Variants in RBFOX1 observed in about 807,000 individuals in gnomAD.
The protein encoded by RBFOX1 is RNA binding protein fox-1 homolog 1.
RBFOX1 carries 8 observed loss-of-function variants against 57.7 expected under a neutral mutation model. The ratio of observed to expected loss-of-function variants is 0.14; its 90% CI spans 0.08 to 0.25. The LOEUF is 0.25. Ranked by LOEUF, RBFOX1 falls within the 10% of genes least tolerant of loss-of-function variation. The pLI is 1.00. For synonymous variants in RBFOX1, 326 were observed against 222.4 expected (o/e 1.47, Z -4.15); for missense variants, 611 against 548.5 (o/e 1.11, Z -1.14).
At chr16:5,972,348 C>G (rs2059978767) in intron 4 of RBFOX1, among the ~76,000 whole-genome samples, 1 of 152,180 alleles carries the variant, frequency 6.6e-6, no homozygotes, top group Admixed American at 6.5e-5. Flanking sequence ...AGCTTTACAG[C>G]TAGACAGTGT....
intron 3 of RBFOX1, among the ~76,000 whole-genome samples, chr16:5,771,089 T>C (rs1567519521): frequency 6.6e-6 from 1 of 152,284 alleles, no homozygotes; most frequent in East Asian, 1.9e-4. Context: ...ATAAACTGCA[T>C]TTTAAACTGT....
chr16:7,045,903 C>A (rs924283730), intron 3 of RBFOX1, among the ~76,000 whole-genome samples: 1 of 152,142 alleles, frequency 6.6e-6, no homozygotes, highest in South Asian at 2.1e-4. Flanking sequence ...GATGATCTGC[C>A]CACCTCGGCC....
rs139751559 is a variant in RBFOX1, at chr16:6,268,081, C to T, written c.-126-48914C>T. 4.0e-3 allele frequency among the ~76,000 whole-genome samples: 611 copies of T among 152,274 alleles called. 5 individuals carry two copies. Among genetic ancestry groups the T allele is most frequent in the Non-Finnish European group, 6.5e-3 (440 of 68,012 alleles). ...TGGGCTGAATGTATTAATGGCCTTG[C>T]ACTGGGTAAACACAAACCCTCAGCT... On this transcript the variant is annotated intron_variant, in intron 1 of 15. Transcript: ENST00000550418.
intron 2 of RBFOX1, among the ~76,000 whole-genome samples, chr16:5,497,338 C>G (rs1051465515): frequency 1.3e-5 from 2 of 151,174 alleles, no homozygotes; most frequent in Non-Finnish European, 3.0e-5. Context: ...AATCGCTCTA[C>G]TCTTGAACTC....
At chr16:7,692,556 T>C (rs1375307604) in intron 14 of RBFOX1, among the ~76,000 whole-genome samples, 1 of 152,164 alleles carries the variant, frequency 6.6e-6, no homozygotes, top group Non-Finnish European at 1.5e-5. Flanking sequence ...TTTACGAACC[T>C]AGCCAACCTC....
At chr16:6,002,837 G>A (rs574356315) in intron 4 of RBFOX1, among the ~76,000 whole-genome samples, 1 of 152,318 alleles carries the variant, frequency 6.6e-6, no homozygotes, top group Admixed American at 6.5e-5. Flanking sequence ...CGTGGTTTGT[G>A]GACTCCCATA....
intron 4 of RBFOX1, among the ~76,000 whole-genome samples, chr16:7,113,451 T>C (rs746436440): frequency 1.3e-5 from 2 of 152,196 alleles, no homozygotes; most frequent in Non-Finnish European, 2.9e-5. Flanking sequence ...GTTGACAATA[T>C]CCTCCCACTT....
At chr16:6,638,487 A>G (rs1286198085) in intron 2 of RBFOX1, among the ~76,000 whole-genome samples, 1 of 152,188 alleles carries the variant, frequency 6.6e-6, no homozygotes, top group Non-Finnish European at 1.5e-5. Context: ...CATTTATTAT[A>G]ATAAAATATG....
At chr16:6,955,760 G>T (rs60216550) in intron 3 of RBFOX1, among the ~76,000 whole-genome samples, 35,299 of 151,574 alleles carry the variant, frequency 0.23, 4,314 homozygotes, top group African/African-American at 0.27. Context: ...CTGGAGTGCA[G>T]TGCCGCTATC....
intron 3 of RBFOX1, among the ~76,000 whole-genome samples, chr16:6,673,046 A>C (rs560013448): frequency 6.6e-6 from 1 of 152,330 alleles, no homozygotes; most frequent in South Asian, 2.1e-4. Flanking sequence ...AGCTCCCTGA[A>C]GAAAAACCAC....
At chr16:5,339,713 A>G (rs1444437365) in intron 1 of RBFOX1, among the ~76,000 whole-genome samples, 1 of 151,986 alleles carries the variant, frequency 6.6e-6, no homozygotes, top group Non-Finnish European at 1.5e-5. Context: ...TCCTGAACTC[A>G]GGTGATCCAC....
At chr16:7,436,478 T>G (rs564711116) in intron 4 of RBFOX1, among the ~76,000 whole-genome samples, 3 of 152,308 alleles carry the variant, frequency 2.0e-5, no homozygotes, top group South Asian at 4.1e-4. Flanking sequence ...GGTGGAGACA[T>G]GTGTCTTCAC....
intron 1 of RBFOX1, among the ~76,000 whole-genome samples, chr16:6,048,665 C>G (rs997724184): frequency 6.6e-6 from 1 of 152,092 alleles, no homozygotes; most frequent in Admixed American, 6.5e-5. Flanking sequence ...ATACTGTGAC[C>G]TTCAGTGGCC....
intron 3 of RBFOX1, among the ~76,000 whole-genome samples, chr16:6,662,199 A>G (rs75810055): frequency 1.5e-3 from 224 of 152,252 alleles, no homozygotes; most frequent in Middle Eastern, 0.01. Context: ...TAAGTTATAG[A>G]TAACTAATGT....
Position 7,622,485 on chromosome 16 carries a change from G to T in RBFOX1, c.677-8118G>T, listed in dbSNP as rs1347992440. Among the ~76,000 whole-genome samples the T allele has an allele frequency of 2.0e-5, 3 of 152,170 alleles. No homozygotes were observed. In the East Asian group the frequency reaches 5.8e-4, roughly 29 times the overall value. On this transcript the variant is annotated intron_variant, in intron 10 of 15. Coordinates refer to ENST00000550418, the MANE Select transcript of RBFOX1 (RefSeq NM_018723.4). The stretch of plus-strand genomic sequence containing the variant: ...CTGCAGGAGATTAAGTGAACAGTTG[G>T]AGTGAGTCATTAAAATTTTCAAACA...
intron 14 of RBFOX1, among the ~76,000 whole-genome samples, chr16:7,695,598 G>A (rs145087272): frequency 0.011 from 1,622 of 142,984 alleles, 32 homozygotes; most frequent in African/African-American, 0.04. Flanking sequence ...GTTGCAGTGA[G>A]CAGAGACTGC....
At chr16:6,178,641 G>A (rs1598104934) in intron 1 of RBFOX1, among the ~76,000 whole-genome samples, 1 of 152,120 alleles carries the variant, frequency 6.6e-6, no homozygotes, top group African/African-American at 2.4e-5. Flanking sequence ...TTAATCCCTT[G>A]GTTATTGAAT....
intron 3 of RBFOX1, among the ~76,000 whole-genome samples, chr16:6,820,381 C>G (rs1454086773): frequency 6.6e-6 from 1 of 152,114 alleles, no homozygotes; most frequent in Non-Finnish European, 1.5e-5. Flanking sequence ...CTGTGATAGG[C>G]CCAACACAGT....
At chr16:7,165,395 A>AATAATAATAATAATAAT (rs1463872387) in intron 4 of RBFOX1, among the ~76,000 whole-genome samples, 11 of 147,234 alleles carry the variant, frequency 7.5e-5, no homozygotes, top group African/African-American at 2.7e-4. Flanking sequence ...CTGTAATAAT[A>AATAATAATAATAATAAT]ATAATAATAA....
Sources: gnomAD v4.1 joint callset for allele counts (sites outside exome capture counted in the v4.1 genomes callset) on GRCh38, gnomAD v4.1.1 for gene constraint, MANE v1.5 for transcripts, NCBI Gene and HGNC (gene_info 2026-07-23, HGNC 2026-07-21) for gene names.